CLASP1: variants seen among roughly 807,000 people sequenced by gnomAD.
CLASP1 encodes CLIP-associating protein 1.
In CLASP1, 38 loss-of-function variants were observed where a neutral mutation model predicts 192.3. That is an observed-to-expected ratio of 0.20 (90% CI 0.15 to 0.26). The LOEUF (loss-of-function observed/expected upper bound fraction) is 0.26, where lower values mean the gene tolerates loss of function less well. Ranked by LOEUF, CLASP1 falls within the 10% of genes least tolerant of loss-of-function variation. CLASP1 has a pLI of 1.00. For missense variants in CLASP1, 1,433 were observed against 1,932.5 expected, an observed-to-expected ratio of 0.74 and a Z score of 4.85; for synonymous variants, 691 against 712.8, an observed-to-expected ratio of 0.97 and a Z score of 0.49.
At chr2:121,644,880 T>G (rs1383264626) in intron 1 of CLASP1, among the ~76,000 whole-genome samples, 1 of 145,188 alleles carries the variant, frequency 6.9e-6, no homozygotes. Flanking sequence ...ATTGATTAAG[T>G]CCAGAAGGTC....
intron 35 of CLASP1, 35 bp from the exon 37 acceptor site, chr2:121,365,319 A>C (rs1209926211): frequency 1.3e-6 from 2 of 1,580,526 alleles, no homozygotes; most frequent in South Asian, 2.3e-5. Flanking sequence ...TCACCTCGTG[A>C]GGAAATGCCC....
intron 2 of CLASP1, among the ~76,000 whole-genome samples, chr2:121,536,157 A>G (rs1339759048): frequency 3.3e-5 from 5 of 151,292 alleles, no homozygotes; most frequent in Admixed American, 1.3e-4. Flanking sequence ...CGAGGTGGGC[A>G]GATCACGAAG....
rs1559371238 is a variant in CLASP1 at position 121,479,053 on chromosome 2, C to CA, written c.713-9094_713-9093insT. ...ACACCCCACACACACACACACCCCC[C>CA]CCCCACACACACACACACACACCAT... On this transcript the variant is annotated intron_variant, in intron 8 of 39. Coordinates refer to ENST00000263710, the Ensembl canonical transcript of CLASP1. Among the ~76,000 whole-genome samples, 196 of 90,568 alleles carry CA rather than the reference C, an allele frequency of 2.2e-3. 10 individuals carry two copies. Among genetic ancestry groups the CA allele is most frequent in the South Asian group, 7.3e-3 (19 of 2,602 alleles). 59.4% of individuals were successfully genotyped at this position (90,568 alleles called of 152,430 possible).
intron 9 of CLASP1, 111 bp from the exon 10 acceptor site, chr2:121,462,716 CA>C (rs1273557572): frequency 7.5e-6 from 5 of 665,662 alleles, no homozygotes; most frequent in Middle Eastern, 2.8e-4. Context: ...AGATTCAGAA[CA>C]TTTTTTTAAA....
chr2:121,347,400 G>T (rs1412463686), intron 38 of CLASP1, among the ~76,000 whole-genome samples: 1 of 152,162 alleles, frequency 6.6e-6, no homozygotes, highest in Non-Finnish European at 1.5e-5. Context: ...TCCCAGACTG[G>T]TCTCTGAGTC....
At chr2:121,456,007 G>A (rs1201176816) in intron 14 of CLASP1, among the ~76,000 whole-genome samples, 3 of 152,142 alleles carry the variant, frequency 2.0e-5, no homozygotes, top group Non-Finnish European at 4.4e-5. Context: ...ACATCATAGT[G>A]ATGTGACTAC....
At chr2:121,346,221 C>A (rs577567301) in intron 39 of CLASP1, among the ~76,000 whole-genome samples, 1 of 152,230 alleles carries the variant, frequency 6.6e-6, no homozygotes. Flanking sequence ...CACAGAGATG[C>A]GCTTTCTCCA....
chr2:121,511,707 C>T (rs973334789), intron 7 of CLASP1, among the ~76,000 whole-genome samples: 1 of 151,710 alleles, frequency 6.6e-6, no homozygotes, highest in African/African-American at 2.4e-5. Context: ...ATTAGGAGAA[C>T]AGTAAATAAC....
At position 121,347,034 on chromosome 2, in the gene CLASP1, A is replaced by C. The variant is rs1351702242; in HGVS notation, c.4530+4T>G. 2 of 1,543,394 alleles carry C rather than the reference A, an allele frequency of 1.3e-6. No individual in the cohort carries two copies. Among genetic ancestry groups the C allele is most frequent in the African/African-American group, 1.4e-5 (1 of 73,326 alleles). The stretch of plus-strand genomic sequence containing the variant: ...CGTATCAGCCCAGGTAACACTATAC[A>C]TACCTTGCTCCCTGTGAGCTGTGCA... On this transcript the variant is annotated splice_donor_region_variant and intron_variant, in intron 39 of 39. Coordinates refer to ENST00000263710, the Ensembl canonical transcript of CLASP1.
At chr2:121,375,565 T>C (rs62153630) in intron 34 of CLASP1, among the ~76,000 whole-genome samples, 18,389 of 152,044 alleles carry the variant, frequency 0.12, 1,434 homozygotes, top group Middle Eastern at 0.26. Flanking sequence ...GGTTTCACCA[T>C]GTTGGCCAGG....
At chr2:121,463,582 A>T (rs867792832) in intron 9 of CLASP1, among the ~76,000 whole-genome samples, 3 of 152,274 alleles carry the variant, frequency 2.0e-5, no homozygotes, top group Middle Eastern at 6.8e-3. Flanking sequence ...CCTCCTTTGC[A>T]TAAGGCCCTA....
intron 14 of CLASP1, among the ~76,000 whole-genome samples, chr2:121,453,391 A>C (rs2085951938): frequency 6.6e-6 from 1 of 152,202 alleles, no homozygotes; most frequent in African/African-American, 2.4e-5. Context: ...AGAGAACATA[A>C]GAGACAAACA....
intron 13 of CLASP1, among the ~76,000 whole-genome samples, chr2:121,458,018 G>A (rs1303017658): frequency 1.3e-5 from 2 of 152,200 alleles, no homozygotes; most frequent in Non-Finnish European, 2.9e-5. Flanking sequence ...TATCTCAGCT[G>A]TAGACATCTG....
At position 121,531,121 on chromosome 2, in the gene CLASP1, C is replaced by T. The variant is rs915828882; in HGVS notation, c.196-796G>A. 1.1e-4 allele frequency: 67 copies of T among 627,790 alleles called. 1 individual carries two copies. Among genetic ancestry groups the T allele is most frequent in the South Asian group, 7.9e-4 (46 of 58,084 alleles). 38.9% of individuals were successfully genotyped at this position (627,790 alleles called of 1,614,324 possible). On this transcript the variant is annotated intron_variant, in intron 2 of 39. Transcript: ENST00000263710. Reference sequence around the variant, plus strand: ...CACAAGACGCGTGGTTTTAGTGTCGCAAGTAAAGTTCTTTCAGTTTTTGCG... The same window carrying T: ...CACAAGACGCGTGGTTTTAGTGTCGTAAGTAAAGTTCTTTCAGTTTTTGCG...
At chr2:121,601,025 GAAGACATT>G (rs746144249) in intron 2 of CLASP1, among the ~76,000 whole-genome samples, 3 of 152,194 alleles carry the variant, frequency 2.0e-5, no homozygotes, top group Non-Finnish European at 4.4e-5. Context: ...AAAGGTACAA[GAAGACATT>G]CTCCTTCCCT....
chr2:121,551,768 ACTACCCAAAG>A (rs1339136125), intron 2 of CLASP1, among the ~76,000 whole-genome samples: 1 of 152,216 alleles, frequency 6.6e-6, no homozygotes, highest in Non-Finnish European at 1.5e-5. Context: ...AAATGGCCAT[ACTACCCAAAG>A]CAATTTACAG....
intron 2 of CLASP1, among the ~76,000 whole-genome samples, chr2:121,562,629 G>A (rs2059187019): frequency 6.6e-6 from 1 of 152,094 alleles, no homozygotes; most frequent in Non-Finnish European, 1.5e-5. Context: ...CTTTCCACTG[G>A]GGAACTACCT....
intron 9 of CLASP1, among the ~76,000 whole-genome samples, chr2:121,464,047 C>G (rs912351997): frequency 7.1e-6 from 1 of 140,726 alleles, no homozygotes; most frequent in Non-Finnish European, 1.5e-5. Context: ...TTCCTGTGTC[C>G]ATGTGTTCTC....
intron 2 of CLASP1, among the ~76,000 whole-genome samples, chr2:121,547,975 A>G (rs998996624): frequency 6.6e-6 from 1 of 152,214 alleles, no homozygotes; most frequent in Admixed American, 6.5e-5. Context: ...AGACTTAGAG[A>G]CAAGCAAAAA....
Sources: allele counts gnomAD v4.1 joint callset (sites outside exome capture counted in the v4.1 genomes callset), GRCh38; gene constraint gnomAD v4.1.1; transcripts MANE v1.5; gene names NCBI Gene and HGNC (gene_info 2026-07-23, HGNC 2026-07-21).